EYA2: variants seen among roughly 807,000 people sequenced by gnomAD.
The protein encoded by EYA2 is EYA transcriptional coactivator and phosphatase 2.
A neutral mutation model predicts 69.2 loss-of-function variants in EYA2; 31 were observed. That is an observed-to-expected ratio of 0.45 (90% CI 0.34 to 0.60). The LOEUF (loss-of-function observed/expected upper bound fraction) is 0.60, where lower values mean the gene tolerates loss of function less well. Ranked by LOEUF, EYA2 falls within the 20% of genes least tolerant of loss-of-function variation. EYA2 has a pLI of 0.02. For synonymous variants in EYA2, 257 were observed against 279.4 expected, an observed-to-expected ratio of 0.92 and a Z score of 0.80; for missense variants, 622 against 701.2, an observed-to-expected ratio of 0.89 and a Z score of 1.28.
chr20:46,967,190 T>TG (rs1444165323), intron 1 of EYA2, among the ~76,000 whole-genome samples: 2 of 152,310 alleles, frequency 1.3e-5, no homozygotes, highest in Admixed American at 6.5e-5. Flanking sequence ...TTAGTTGAGA[T>TG]GGGGTTTCAC....
chr20:47,123,351 A>C (rs1017797056), intron 9 of EYA2, among the ~76,000 whole-genome samples: 1 of 152,146 alleles, frequency 6.6e-6, no homozygotes, highest in African/African-American at 2.4e-5. Flanking sequence ...TATTATTATT[A>C]AAATATTGTC....
At chr20:46,898,230 G>A (rs147516711) in intron 1 of EYA2, among the ~76,000 whole-genome samples, 45 of 150,046 alleles carry the variant, frequency 3.0e-4, no homozygotes, top group Middle Eastern at 6.8e-3. Context: ...GGAAGGAACC[G>A]GGTTTTTTGG....
At chr20:46,950,554 C>T (rs1978732695) in intron 1 of EYA2, among the ~76,000 whole-genome samples, 1 of 152,228 alleles carries the variant, frequency 6.6e-6, no homozygotes, top group African/African-American at 2.4e-5. Context: ...AAAGCCCAAA[C>T]TCCCTTGCAG....
At chr20:47,051,806 A>G (rs11086191) in intron 5 of EYA2, among the ~76,000 whole-genome samples, 58,234 of 152,156 alleles carry the variant, frequency 0.38, 12,321 homozygotes, top group East Asian at 0.57. Context: ...CTCAGGAAAC[A>G]TCAGTGAAAC....
chr20:46,951,304 C>T (rs1420276843), intron 1 of EYA2, among the ~76,000 whole-genome samples: 1 of 152,168 alleles, frequency 6.6e-6, no homozygotes, highest in Non-Finnish European at 1.5e-5. Context: ...TTTCTGGTCA[C>T]AGCACATGTA....
intron 9 of EYA2, among the ~76,000 whole-genome samples, chr20:47,097,896 C>T (rs573695664): frequency 1.3e-5 from 2 of 152,288 alleles, no homozygotes; most frequent in Non-Finnish European, 2.9e-5. Flanking sequence ...GTACTTAAGA[C>T]GACAGCCTAG....
chr20:47,113,553 T>C (rs2032810269), intron 9 of EYA2, among the ~76,000 whole-genome samples: 1 of 152,168 alleles, frequency 6.6e-6, no homozygotes, highest in Non-Finnish European at 1.5e-5. Flanking sequence ...CCATGGGTGC[T>C]CATGCCAGGA....
At chr20:46,904,033 A>G (rs1984240878) in intron 1 of EYA2, among the ~76,000 whole-genome samples, 1 of 152,188 alleles carries the variant, frequency 6.6e-6, no homozygotes, top group Non-Finnish European at 1.5e-5. Flanking sequence ...CATTTTAGGT[A>G]TCGAGAGAAT....
intron 1 of EYA2, among the ~76,000 whole-genome samples, chr20:46,924,362 C>T (rs1985308872): frequency 6.6e-6 from 1 of 152,082 alleles, no homozygotes; most frequent in East Asian, 1.9e-4. Flanking sequence ...TTTCTTAACA[C>T]TATCATTCAG....
intron 7 of EYA2, among the ~76,000 whole-genome samples, chr20:47,086,593 C>G (rs1366601171): frequency 6.6e-6 from 1 of 152,156 alleles, no homozygotes; most frequent in African/African-American, 2.4e-5. Context: ...AACTCACTCA[C>G]TGTGCGGTAC....
intron 1 of EYA2, among the ~76,000 whole-genome samples, chr20:46,977,696 T>C (rs1355634326): frequency 6.6e-6 from 1 of 152,224 alleles, no homozygotes; most frequent in Non-Finnish European, 1.5e-5. Flanking sequence ...TCCTGATCCA[T>C]TTATCTGCCT....
chr20:46,996,015 G>A (rs1981995561), intron 2 of EYA2, among the ~76,000 whole-genome samples: 1 of 152,148 alleles, frequency 6.6e-6, no homozygotes, highest in South Asian at 2.1e-4. Flanking sequence ...ATTTAAATTT[G>A]GATCTGACCC....
chr20:47,117,290 A>C (rs1221836646), intron 9 of EYA2: 2 of 839,136 alleles, frequency 2.4e-6, no homozygotes, highest in Non-Finnish European at 2.9e-6. Context: ...GGTTACAGGC[A>C]TGAGCCACCG....
chr20:46,964,296 G>A (rs565762447), intron 1 of EYA2, among the ~76,000 whole-genome samples: 1 of 152,204 alleles, frequency 6.6e-6, no homozygotes, highest in Admixed American at 6.5e-5. Flanking sequence ...AAGGTCAGAT[G>A]TATGTTTAAA....
At chr20:46,900,778 A>G (rs1335023737) in intron 1 of EYA2, among the ~76,000 whole-genome samples, 2 of 152,200 alleles carry the variant, frequency 1.3e-5, no homozygotes, top group African/African-American at 2.4e-5. Context: ...AAACATTCCA[A>G]ATTTTTAGAT....
intron 1 of EYA2, among the ~76,000 whole-genome samples, chr20:46,928,275 C>G (rs887025727): frequency 6.6e-6 from 1 of 152,206 alleles, no homozygotes; most frequent in African/African-American, 2.4e-5. Flanking sequence ...ACCTGAAACC[C>G]TCAGCAAAGT....
chr20:47,144,342 A>C (rs2033658914), intron 10 of EYA2, among the ~76,000 whole-genome samples: 1 of 145,970 alleles, frequency 6.9e-6, no homozygotes, highest in Non-Finnish European at 1.5e-5. Flanking sequence ...GCAACAGAGC[A>C]AGACACCATC....
chr20:47,148,016 C>G (rs1970965), intron 10 of EYA2, among the ~76,000 whole-genome samples: 22,872 of 146,374 alleles, frequency 0.16, 1,959 homozygotes, highest in African/African-American at 0.19. Flanking sequence ...CAGAGATCGC[C>G]CCACTGTACT....
intron 5 of EYA2, among the ~76,000 whole-genome samples, chr20:47,043,773 A>G (rs1036722983): frequency 1.3e-5 from 2 of 152,200 alleles, no homozygotes; most frequent in African/African-American, 2.4e-5. Context: ...CAATCTTACC[A>G]CACCATCATC....
Sources: allele counts gnomAD v4.1 joint callset (sites outside exome capture counted in the v4.1 genomes callset), GRCh38; gene constraint gnomAD v4.1.1; transcripts MANE v1.5; gene names NCBI Gene and HGNC (gene_info 2026-07-23, HGNC 2026-07-21).